The following CCDC178 variants were observed in gnomAD, a reference collection of about 807,000 sequenced individuals.
CCDC178 encodes the protein coiled-coil domain-containing protein 178.
A neutral mutation model predicts 117.4 loss-of-function variants in CCDC178; 126 were observed. The ratio of observed to expected loss-of-function variants is 1.07; its 90% CI spans 0.93 to 1.24. The LOEUF is 1.24. Ranked by LOEUF, CCDC178 falls within the 50% of genes most tolerant of loss-of-function variation. The probability of loss-of-function intolerance (pLI) is 0.00; values close to 1 mark genes in which losing one functional copy is unlikely to be tolerated. For missense variants in CCDC178, 1,030 were observed against 986.9 expected (o/e 1.04, Z -0.59); for synonymous variants, 283 against 313.4 (o/e 0.90, Z 1.02).
At chr18:33,359,674 G>A (rs1455198923) in intron 6 of CCDC178, among the ~76,000 whole-genome samples, 1 of 151,576 alleles carries the variant, frequency 6.6e-6, no homozygotes, top group Non-Finnish European at 1.5e-5. Context: ...ATGCTTCGAT[G>A]AAAATACCTA....
chr18:32,963,344 C>A (rs2054745622), intron 22 of CCDC178, among the ~76,000 whole-genome samples: 1 of 151,994 alleles, frequency 6.6e-6, no homozygotes, highest in African/African-American at 2.4e-5. Flanking sequence ...GTTGCTCATT[C>A]CTGTTTTAAG....
Position 33,323,519 on chromosome 18 carries a change from G to T in CCDC178, c.994C>A (p.Gln332Lys). The T allele has an allele frequency of 6.5e-7, 1 of 1,542,762 alleles. No homozygotes were observed. Among genetic ancestry groups the T allele is most frequent in the South Asian group, 1.3e-5 (1 of 77,226 alleles). ...TAGGCCTCTATGGTTTTTTCATCCT[G>T]GTAAATATCCTTATCAATCTCTTCT... Reference protein sequence around the residue: ...IKEEIDKDIYQDEKTIEAYKR... With the variant: ...IKEEIDKDIYKDEKTIEAYKR... Residue 332 changes from glutamine (Q) to lysine (K), a missense_variant, in exon 11 of 23, where the codon CAG becomes AAG. Gln to Lys is a moderately conservative substitution (Grantham distance 53). Coordinates refer to ENST00000383096, the MANE Select transcript of CCDC178 (RefSeq NM_001105528.4).
intron 14 of CCDC178, among the ~76,000 whole-genome samples, chr18:33,254,450 G>C (rs2059655314): frequency 6.6e-6 from 1 of 151,910 alleles, no homozygotes; most frequent in South Asian, 2.1e-4. Flanking sequence ...ATTGAGCATT[G>C]ATTATATGTC....
chr18:33,113,572 G>A (rs1403491596), intron 20 of CCDC178, among the ~76,000 whole-genome samples: 3 of 151,900 alleles, frequency 2.0e-5, no homozygotes, highest in African/African-American at 7.3e-5. Flanking sequence ...CAATGGAAGA[G>A]CACCTGCAAT....
intron 15 of CCDC178, among the ~76,000 whole-genome samples, chr18:33,230,582 A>G (rs1457477512): frequency 2.0e-5 from 3 of 152,202 alleles, no homozygotes; most frequent in Non-Finnish European, 4.4e-5. Context: ...TTAAATTGTA[A>G]AAGTTTCAGA....
At chr18:33,061,742 T>C (rs1567964027) in intron 21 of CCDC178, among the ~76,000 whole-genome samples, 1 of 152,238 alleles carries the variant, frequency 6.6e-6, no homozygotes, top group Non-Finnish European at 1.5e-5. Context: ...CAAATAGTGA[T>C]TATTTAGATG....
chr18:33,282,750 A>C (rs553686345), intron 12 of CCDC178, among the ~76,000 whole-genome samples: 8 of 152,232 alleles, frequency 5.3e-5, no homozygotes, highest in Admixed American at 2.0e-4. Flanking sequence ...ATGGGAGTGC[A>C]ACTGGACCCT....
intron 9 of CCDC178, among the ~76,000 whole-genome samples, chr18:33,341,854 A>T (rs2062821319): frequency 6.6e-6 from 1 of 152,198 alleles, no homozygotes; most frequent in South Asian, 2.1e-4. Context: ...CAGACCTAAA[A>T]CTAGGAAACA....
chr18:33,293,409 T>A, intron 11 of CCDC178, 97 bp from the exon 12 acceptor site: 1 of 697,524 alleles, frequency 1.4e-6, no homozygotes, highest in South Asian at 2.5e-5. Flanking sequence ...GCCTGTAATC[T>A]CAGCACTTTG....
At chr18:33,325,325 G>T (rs1464913891) in intron 10 of CCDC178, among the ~76,000 whole-genome samples, 1 of 151,838 alleles carries the variant, frequency 6.6e-6, no homozygotes, top group African/African-American at 2.4e-5. Context: ...TATATACCTA[G>T]ATTTTCTGCT....
intron 20 of CCDC178, among the ~76,000 whole-genome samples, chr18:33,093,656 G>C (rs2145077699): frequency 6.6e-6 from 1 of 151,422 alleles, no homozygotes; most frequent in African/African-American, 2.4e-5. Context: ...TTAAATGCCT[G>C]AACTGAGTTT....
At chr18:33,259,173 T>A (rs1259624479) in intron 14 of CCDC178, among the ~76,000 whole-genome samples, 4 of 152,078 alleles carry the variant, frequency 2.6e-5, no homozygotes, top group Non-Finnish European at 4.4e-5. Flanking sequence ...GAGAAAAAAA[T>A]TAACAAATGT....
intron 20 of CCDC178, among the ~76,000 whole-genome samples, chr18:33,168,267 G>A (rs1001675188): frequency 1.3e-5 from 2 of 152,064 alleles, no homozygotes; most frequent in African/African-American, 4.8e-5. Context: ...TGTATATGAT[G>A]TAAGGAAGGG....
chr18:33,210,021 T>C (rs2059088981), intron 20 of CCDC178, among the ~76,000 whole-genome samples: 1 of 152,002 alleles, frequency 6.6e-6, no homozygotes, highest in Non-Finnish European at 1.5e-5. Context: ...ATCAGGCTGG[T>C]GGAGTTTGAA....
chr18:33,436,714 GC>G (rs2064296580), intron 2 of CCDC178, among the ~76,000 whole-genome samples: 1 of 152,172 alleles, frequency 6.6e-6, no homozygotes, highest in South Asian at 2.1e-4. Context: ...ATTTATAATT[GC>G]ACCTAATTTC....
Position 33,140,920 on chromosome 18 carries a change from G to A in CCDC178, c.2239-48010C>T, listed in dbSNP as rs574353866. ...TGTCATGGGAGGAACCCCATAGGAG[G>A]TGATTGAGTTATGGGGGTGAGTCTT... On this transcript the variant is annotated intron_variant, in intron 20 of 22. Transcript: ENST00000383096. 7.5e-4 allele frequency among the ~76,000 whole-genome samples: 114 copies of A among 152,260 alleles called. 1 individual carries two copies. The highest frequency in any genetic ancestry group is 2.6e-3 in the African/African-American group (110 of 41,544).
intron 5 of CCDC178, among the ~76,000 whole-genome samples, chr18:33,372,597 C>T (rs181537285): frequency 1.3e-5 from 2 of 152,256 alleles, no homozygotes; most frequent in East Asian, 3.9e-4. Context: ...ATGCCCCTGA[C>T]TCCAACTTCC....
chr18:33,380,973 C>T (rs945419691), intron 5 of CCDC178, among the ~76,000 whole-genome samples: 2 of 22,332 alleles, frequency 9.0e-5, no homozygotes, highest in African/African-American at 9.7e-5. Flanking sequence ...CATCTTCCCT[C>T]CATTTAACCT....
At chr18:33,179,118 A>ATATATATATAAACTATATATATATAAAC (rs1598967790) in intron 20 of CCDC178, among the ~76,000 whole-genome samples, 1 of 104,410 alleles carries the variant, frequency 9.6e-6, no homozygotes, top group East Asian at 2.1e-4. Flanking sequence ...TAAACTATAT[A>ATATATATATAAACTATATATATATAAAC]TATATATATA....
Sources: allele counts gnomAD v4.1 joint callset (sites outside exome capture counted in the v4.1 genomes callset), GRCh38; gene constraint gnomAD v4.1.1; transcripts MANE v1.5; gene names NCBI Gene and HGNC (gene_info 2026-07-23, HGNC 2026-07-21).